The following CDC25C variants were observed in gnomAD, a reference collection of about 807,000 sequenced individuals.
CDC25C encodes M-phase inducer phosphatase 3.
In CDC25C, 48 loss-of-function variants were observed where a neutral mutation model predicts 52.5. That is an observed-to-expected ratio of 0.91 (90% confidence interval 0.72 to 1.16). The LOEUF (loss-of-function observed/expected upper bound fraction) is 1.16. Ranked by LOEUF, CDC25C falls within the 50% of genes most tolerant of loss-of-function variation. The pLI is 0.00. For synonymous variants in CDC25C, 187 were observed against 206.5 expected, an observed-to-expected ratio of 0.91 and a Z score of 0.81; for missense variants, 510 against 566.1, an observed-to-expected ratio of 0.90 and a Z score of 1.01.
intron 6 of CDC25C, among the ~76,000 whole-genome samples, chr5:138,321,451 A>C (rs73261976): frequency 0.01 from 1,586 of 152,148 alleles, 35 homozygotes; most frequent in African/African-American, 0.037. Flanking sequence ...AAAAACCTAA[A>C]TAAAACATGA....
At chr5:138,298,825 T>C (rs1190156867) in intron 7 of CDC25C, among the ~76,000 whole-genome samples, 1 of 151,964 alleles carries the variant, frequency 6.6e-6, no homozygotes, top group Admixed American at 6.6e-5. Context: ...TCACACAAAA[T>C]ATGTTCTCTG....
chr5:138,337,859 G>A, intron 1 of CDC25C: 1 of 779,894 alleles, frequency 1.3e-6, no homozygotes, highest in Non-Finnish European at 1.9e-6. Context: ...GCAGGTGAGG[G>A]GCACTGTGGC....
chr5:138,335,075 A>C (rs962669161), upstream of CDC25C: 6 of 152,328 alleles, frequency 3.9e-5, no homozygotes, highest in African/African-American at 1.4e-4. Flanking sequence ...TGACTCATAC[A>C]TGTTGTTGCC....
intron 7 of CDC25C, among the ~76,000 whole-genome samples, chr5:138,297,323 A>G (rs190777758): frequency 6.6e-6 from 1 of 152,198 alleles, no homozygotes; most frequent in Admixed American, 6.5e-5. Context: ...GGCCTCCCAA[A>G]GTGCTAGGAT....
upstream of CDC25C, among the ~76,000 whole-genome samples, chr5:138,335,991 A>T (rs1185530656): frequency 6.6e-6 from 1 of 151,926 alleles, no homozygotes; most frequent in Non-Finnish European, 1.5e-5. Context: ...CAGTCACTTA[A>T]CTTCTTGGGC....
chr5:138,316,843 G>A (rs1465161567), intron 7 of CDC25C, among the ~76,000 whole-genome samples: 1 of 152,142 alleles, frequency 6.6e-6, no homozygotes, highest in Non-Finnish European at 1.5e-5. Flanking sequence ...CCTACAGAGA[G>A]GAGCTGCCCC....
At chr5:138,334,140 T>C (rs1247200787), upstream of CDC25C, among the ~76,000 whole-genome samples, 1 of 151,868 alleles carries the variant, frequency 6.6e-6, no homozygotes, top group East Asian at 1.9e-4. Context: ...CACCATATTG[T>C]CCAGGCTGTT....
upstream of CDC25C, chr5:138,335,074 C>T (rs572669685): frequency 3.9e-5 from 6 of 152,366 alleles, no homozygotes; most frequent in Admixed American, 2.6e-4. Context: ...CTGACTCATA[C>T]ATGTTGTTGC....
At position 138,315,885 on chromosome 5, in the gene CDC25C, G is replaced by A. The variant is rs940403824; in HGVS notation, c.615+3334C>T. ...GGCTGCAGCAGAGAGGTATGGATAG[G>A]GCTGCATGATCCATGGAGCTAGCGG... On this transcript the variant is annotated intron_variant, in intron 7 of 13. Coordinates refer to ENST00000323760, the MANE Select transcript of CDC25C (RefSeq NM_001790.5). Among the ~76,000 whole-genome samples, 3 of 152,330 alleles carry A rather than the reference G, an allele frequency of 2.0e-5. No homozygotes were observed. The East Asian group carries it at 5.8e-4, about 29-fold the overall frequency.
chr5:138,309,655 T>G (rs960135485), intron 7 of CDC25C, among the ~76,000 whole-genome samples: 5 of 151,526 alleles, frequency 3.3e-5, no homozygotes, highest in African/African-American at 1.2e-4. Flanking sequence ...ATTATTATAC[T>G]ATCAAGAGCT....
At chr5:138,327,179 C>T (rs1298648808) in intron 4 of CDC25C, among the ~76,000 whole-genome samples, 1 of 150,842 alleles carries the variant, frequency 6.6e-6, no homozygotes, top group Non-Finnish European at 1.5e-5. Context: ...CACTTGAACC[C>T]GGGAGGCGGA....
chr5:138,288,091 T>C (rs151199326), intron 10 of CDC25C, among the ~76,000 whole-genome samples: 352 of 152,216 alleles, frequency 2.3e-3, no homozygotes, highest in African/African-American at 8.1e-3. Flanking sequence ...TTTTTGTTTT[T>C]TGAGATGGAA....
rs768102789 is a variant in CDC25C at position 138,292,165 on chromosome 5, T to C, written c.616-49A>G. ...TAGTTCTTACTCCTCCAAGTGTGTC[T>C]GCAGACCTGCAGCAACAACATCTCC... On this transcript the variant is annotated intron_variant, in intron 7 of 13. Coordinates refer to ENST00000323760, the MANE Select transcript of CDC25C (RefSeq NM_001790.5). The C allele has an allele frequency of 2.1e-6, 3 of 1,445,800 alleles. No homozygotes were observed. In the African/African-American group the frequency reaches 4.3e-5, roughly 21 times the overall value. The allele number at this position is 1,445,800 out of a possible 1,614,324, so 89.6% of individuals were successfully genotyped here. A position where few individuals can be genotyped will look rare whatever the true frequency, so the allele number is the denominator to read the frequency against.
At chr5:138,296,143 T>C (rs1416940636) in intron 7 of CDC25C, among the ~76,000 whole-genome samples, 1 of 152,216 alleles carries the variant, frequency 6.6e-6, no homozygotes, top group Non-Finnish European at 1.5e-5. Flanking sequence ...AGCCACATTA[T>C]CTTTCTGAAC....
chr5:138,302,967 G>GGCAT (rs920998579), intron 7 of CDC25C, among the ~76,000 whole-genome samples: 3 of 152,004 alleles, frequency 2.0e-5, no homozygotes, highest in Non-Finnish European at 4.4e-5. Flanking sequence ...TACTTGGGGA[G>GGCAT]GCATAGGCAA....
At chr5:138,314,925 CTTTTTT>C (rs35443317) in intron 7 of CDC25C, among the ~76,000 whole-genome samples, 1 of 90,844 alleles carries the variant, frequency 1.1e-5, no homozygotes, top group Non-Finnish European at 2.2e-5. Context: ...CCAGCCAGCA[CTTTTTT>C]TTTTTTTTTT....
intron 6 of CDC25C, 126 bp from the exon 7 acceptor site, chr5:138,319,500 T>A: frequency 1.5e-6 from 1 of 648,478 alleles, no homozygotes; most frequent in Non-Finnish European, 2.4e-6. Flanking sequence ...TGGATTTGGA[T>A]AATGCCACCA....
chr5:138,305,204 A>G (rs1033233968), intron 7 of CDC25C, among the ~76,000 whole-genome samples: 2 of 152,184 alleles, frequency 1.3e-5, no homozygotes, highest in African/African-American at 4.8e-5. Flanking sequence ...TCCCAGCTTT[A>G]GCAATGGAAG....
intron 12 of CDC25C, 94 bp from the exon 13 acceptor site, chr5:138,286,227 T>C: frequency 2.0e-6 from 2 of 987,204 alleles, no homozygotes; most frequent in South Asian, 1.5e-5. Flanking sequence ...GAGTAGACTA[T>C]TGCCAACCTC....
Sources: gnomAD v4.1 joint callset for allele counts (sites outside exome capture counted in the v4.1 genomes callset) on GRCh38, gnomAD v4.1.1 for gene constraint, MANE v1.5 for transcripts, NCBI Gene and HGNC (gene_info 2026-07-23, HGNC 2026-07-21) for gene names.